PACRGL: variants seen among roughly 807,000 people sequenced by gnomAD.
PACRGL encodes parkin coregulated like.
In PACRGL, 38 loss-of-function variants were observed where a neutral mutation model predicts 34.5. The ratio of observed to expected loss-of-function variants is 1.10; its 90% CI spans 0.85 to 1.44. The LOEUF is 1.44. PACRGL is among the 40% of genes most tolerant of loss of function. The pLI, the probability that PACRGL is intolerant of heterozygous loss-of-function variation, is 0.00. For synonymous variants in PACRGL, 128 were observed against 100.1 expected, an observed-to-expected ratio of 1.28 and a Z score of -1.66; for missense variants, 305 against 281.4, an observed-to-expected ratio of 1.08 and a Z score of -0.60.
In PACRGL at chr4:20,729,905, A is replaced by G. The variant is rs1156454689; in HGVS notation, c.*2564A>G. 4 of 635,032 alleles carry G rather than the reference A, an allele frequency of 6.3e-6. No homozygotes were observed. In the East Asian group the frequency reaches 1.3e-4, roughly 20 times the overall value. The allele number at this position is 635,032 out of a possible 1,614,324, so 39.3% of individuals were successfully genotyped here. On this transcript the variant is annotated 3_prime_UTR_variant, in exon 9 of 9. Transcript: ENST00000503585. ...CTCAGTGGCATTATGAAAAGGATGC[A>G]AATTTATAACTGAAAGCTCAAATCT... is the stretch of plus-strand genomic sequence containing the variant.
downstream of PACRGL, among the ~76,000 whole-genome samples, chr4:20,733,853 C>G (rs1207104571): frequency 6.6e-6 from 1 of 152,176 alleles, no homozygotes; most frequent in Non-Finnish European, 1.5e-5. Flanking sequence ...CCCATTACTA[C>G]TTATCAGGCT....
chr4:20,734,785 AAAC>A (rs754484439), downstream of PACRGL: 1 of 1,063,750 alleles, frequency 9.4e-7, no homozygotes, highest in Admixed American at 2.3e-5. Flanking sequence ...AAAAAAACAA[AAAC>A]AAAAAAAACA....
Position 20,732,190 on chromosome 4 carries a change from A to G in PACRGL, c.*4849A>G. Reference sequence around the variant, plus strand: ...CTGCTTATTTATTTCACGTGGAGGAACTGTTTCAGAGCAGGAACCAGCAGT... The same window carrying G: ...CTGCTTATTTATTTCACGTGGAGGAGCTGTTTCAGAGCAGGAACCAGCAGT... On this transcript the variant is annotated 3_prime_UTR_variant, in exon 9 of 9. Transcript: ENST00000503585. The G allele has an allele frequency of 2.9e-6, 2 of 685,186 alleles. No individual in the cohort carries two copies. The highest frequency in any genetic ancestry group is 5.0e-6 in the Non-Finnish European group (2 of 402,234). The allele number at this position is 685,186 out of a possible 1,614,324, so 42.4% of individuals were successfully genotyped here. A position where few individuals can be genotyped will look rare whatever the true frequency, so the allele number is the denominator to read the frequency against.
downstream of PACRGL, among the ~76,000 whole-genome samples, chr4:20,737,130 GT>G (rs147873181): frequency 0.016 from 2,391 of 152,302 alleles, 29 homozygotes; most frequent in Non-Finnish European, 0.025. Flanking sequence ...GGCATGAAGG[GT>G]AGAATGTCAA....
intron 7 of PACRGL, among the ~76,000 whole-genome samples, chr4:20,724,306 G>A (rs1985322): frequency 0.33 from 49,428 of 151,714 alleles, 8,455 homozygotes; most frequent in African/African-American, 0.43. Flanking sequence ...GGATCTGCAT[G>A]TAAACCTCTG....
chr4:20,713,299 C>G, intron 6 of PACRGL, 133 bp from the exon 7 acceptor site: 1 of 663,690 alleles, frequency 1.5e-6, no homozygotes, highest in Admixed American at 3.2e-5. Flanking sequence ...GTTTTGTTGA[C>G]TATCTTCTGA....
At chr4:20,708,952 C>T (rs1392629659) in intron 4 of PACRGL, among the ~76,000 whole-genome samples, 2 of 148,480 alleles carry the variant, frequency 1.3e-5, no homozygotes, top group Admixed American at 1.3e-4. Flanking sequence ...CATGGAGGAA[C>T]CCCATCTCTA....
downstream of PACRGL, among the ~76,000 whole-genome samples, chr4:20,757,112 A>C (rs112477091): frequency 3.8e-3 from 583 of 152,214 alleles, 3 homozygotes; most frequent in African/African-American, 0.012. Context: ...CCTCCTGTAA[A>C]GAGTCACCTG....
At position 20,712,885 on chromosome 4, in the gene PACRGL, T is replaced by C. The variant is rs1225286366; in HGVS notation, c.464T>C (p.Leu155Ser). 6.2e-7 allele frequency: 1 copy of C among 1,605,308 alleles called. No homozygotes were observed. Among genetic ancestry groups the C allele is most frequent in the South Asian group, 1.1e-5 (1 of 89,426 alleles). ...GGTGCTCCTGAAAAAGCTATTCCTT[T>C]GCTACCTAGACTGATTCCTGTGCTA... Reference protein sequence around the residue: ...VKGAPEKAIPLLPRLIPVLKA... With the variant: ...VKGAPEKAIPSLPRLIPVLKA... Residue 155 changes from leucine (L) to serine (S), a missense_variant, in exon 6 of 9, where the codon TTG becomes TCG. Physicochemically the swap from Leu to Ser is moderately radical, Grantham distance 145. Coordinates refer to ENST00000503585, the MANE Select transcript of PACRGL (RefSeq NM_001258345.3).
At chr4:20,758,943 T>G in the PACRGL span, 7 of 1,464,728 alleles carry the variant, frequency 4.8e-6, no homozygotes, top group South Asian at 8.1e-5. Flanking sequence ...AAAACTGAAT[T>G]TTTTTTGCAC....
chr4:20,727,320 A>G lies in PACRGL; in HGVS notation c.726A>G (p.Thr242=), dbSNP rs1746192502. The G allele has an allele frequency of 5.6e-6, 9 of 1,612,838 alleles. No homozygotes were observed. Among genetic ancestry groups the G allele is most frequent in the Non-Finnish European group, 6.8e-6 (8 of 1,179,130 alleles). The change falls in exon 9 of 9, where the codon ACA becomes ACG. Residue 242 remains threonine, a synonymous_variant. Coordinates refer to ENST00000503585, the MANE Select transcript of PACRGL (RefSeq NM_001258345.3). The part of the protein sequence containing the change: ...SLSIIKSKIP[T]YCSICC ...GCATCATCAAATCTAAAATTCCAAC[A>G]TACTGCTCCATATGCTGTTGAAGAA...
intron 7 of PACRGL, among the ~76,000 whole-genome samples, 168 bp downstream of exon 7, chr4:20,713,707 C>T (rs909701060): frequency 2.6e-5 from 4 of 152,090 alleles, no homozygotes; most frequent in Admixed American, 1.3e-4. Flanking sequence ...TCTTTGTTCT[C>T]GTTGGTTTCA....
At chr4:20,717,055 G>A (rs1269706522) in intron 7 of PACRGL, among the ~76,000 whole-genome samples, 2 of 152,172 alleles carry the variant, frequency 1.3e-5, no homozygotes, top group Admixed American at 1.3e-4. Flanking sequence ...ATCTCATTGT[G>A]GTTTTGATTT....
Position 20,731,966 on chromosome 4 carries a change from T to A in PACRGL, c.*4625T>A, listed in dbSNP as rs767916581. ...CTGCTAATACTCAGTTTAGCTGTTA[T>A]GATAGCTGAATTGATAGTTATTACA... On this transcript the variant is annotated 3_prime_UTR_variant, in exon 9 of 9. Coordinates refer to ENST00000503585, the MANE Select transcript of PACRGL (RefSeq NM_001258345.3). 3.1e-6 allele frequency: 5 copies of A among 1,610,866 alleles called. No individual in the cohort carries two copies. The South Asian group carries it at 4.4e-5, about 14-fold the overall frequency.
At chr4:20,756,298 C>G (rs770131433), downstream of PACRGL, among the ~76,000 whole-genome samples, 3 of 152,126 alleles carry the variant, frequency 2.0e-5, no homozygotes, top group African/African-American at 4.8e-5. Context: ...ATGGTTCCCT[C>G]TTGTCTTGAG....
downstream of PACRGL, among the ~76,000 whole-genome samples, chr4:20,734,206 T>A (rs1014572530): frequency 2.6e-5 from 4 of 152,208 alleles, no homozygotes; most frequent in Non-Finnish European, 4.4e-5. Flanking sequence ...TGCCTCAACG[T>A]GCATTTGGAG....
At chr4:20,738,239 G>C (rs1750177338) in intron 8 of PACRGL, among the ~76,000 whole-genome samples, 1 of 152,168 alleles carries the variant, frequency 6.6e-6, no homozygotes, top group South Asian at 2.1e-4. Flanking sequence ...GGCTAGATGA[G>C]ATTGATTGTT....
At chr4:20,740,980 A>G (rs1750936156) in intron 8 of PACRGL, among the ~76,000 whole-genome samples, 1 of 152,244 alleles carries the variant, frequency 6.6e-6, no homozygotes, top group Non-Finnish European at 1.5e-5. Context: ...AAAGAAGGCT[A>G]TTACATAATG....
chr4:20,713,112 A>G (rs1035187412), intron 6 of PACRGL, 190 bp downstream of exon 6: 7 of 592,974 alleles, frequency 1.2e-5, no homozygotes, highest in Non-Finnish European at 1.9e-5. Flanking sequence ...ACTTGAAGAC[A>G]TCTTTAGAGG....
Sources: gnomAD v4.1 joint callset for allele counts (sites outside exome capture counted in the v4.1 genomes callset) on GRCh38, gnomAD v4.1.1 for gene constraint, MANE v1.5 for transcripts, NCBI Gene and HGNC (gene_info 2026-07-23, HGNC 2026-07-21) for gene names.